The following INPP4B variants were observed in gnomAD, a reference collection of about 807,000 sequenced individuals.
INPP4B encodes the protein inositol polyphosphate-4-phosphatase type II B, also known as inositol polyphosphate 4-phosphatase type II.
INPP4B carries 55 observed loss-of-function variants against 122.5 expected under a neutral mutation model. The observed-to-expected ratio is 0.45, with a 90% CI of 0.36 to 0.56. The LOEUF (loss-of-function observed/expected upper bound fraction) is 0.56. INPP4B is among the 20% of genes least tolerant of loss of function. The pLI is 0.00. For missense variants in INPP4B, 1,000 were observed against 1,097.7 expected (o/e 0.91, Z 1.26); for synonymous variants, 403 against 388.7 (o/e 1.04, Z -0.43).
rs186270894 is a variant in INPP4B, at chr4:142,281,341, T to A, written c.504-10567A>T. On this transcript the variant is annotated intron_variant, in intron 9 of 25. Coordinates refer to ENST00000262992, the MANE Select transcript of INPP4B (RefSeq NM_001101669.3). ...CAGTCTGGATAGATAGCTAAGCATT[T>A]TTTTTTTTTTGCTTCTTCAACAAAA... Among the ~76,000 whole-genome samples the A allele has an allele frequency of 5.5e-3, 840 of 151,392 alleles. 7 individuals are homozygous for A. The highest frequency in any genetic ancestry group is 0.02 in the African/African-American group (810 of 41,362).
At chr4:142,187,537 T>C (rs961054088) in intron 15 of INPP4B, among the ~76,000 whole-genome samples, 2 of 151,832 alleles carry the variant, frequency 1.3e-5, no homozygotes, top group African/African-American at 4.8e-5. Context: ...TATCTATATA[T>C]AAATATATAT....
Position 142,775,269 on chromosome 4 carries a change from A to G in INPP4B, c.-253-49368T>C, listed in dbSNP as rs574700095. Among the ~76,000 whole-genome samples the G allele has an allele frequency of 2.6e-5, 4 of 152,112 alleles. No individual in the cohort carries two copies. In the South Asian group the frequency reaches 6.2e-4, roughly 24 times the overall value. On this transcript the variant is annotated intron_variant, in intron 1 of 25. Transcript: ENST00000262992. ...TCCTCCATGCATTCTTCTTTACTGT[A>G]CTCTTGAACCAATGTCATTATACAG...
At chr4:142,503,427 C>T (rs971644380) in intron 2 of INPP4B, among the ~76,000 whole-genome samples, 5 of 152,030 alleles carry the variant, frequency 3.3e-5, no homozygotes, top group South Asian at 4.1e-4. Context: ...CACTTATAAA[C>T]ATTACAAAAT....
intron 11 of INPP4B, among the ~76,000 whole-genome samples, chr4:142,253,487 G>C (rs1247114378): frequency 6.6e-6 from 1 of 152,186 alleles, no homozygotes; most frequent in Non-Finnish European, 1.5e-5. Context: ...GCGCAGGTCA[G>C]TGGGTGCGCG....
At chr4:142,825,471 G>GTATCATATCA (rs200616320) in intron 1 of INPP4B, among the ~76,000 whole-genome samples, 3,539 of 151,702 alleles carry the variant, frequency 0.023, 136 homozygotes, top group African/African-American at 0.08. Flanking sequence ...ATATATATAT[G>GTATCATATCA]TATCATATCA....
Position 142,250,021 on chromosome 4 carries a change from G to A in INPP4B, c.688+10471C>T, listed in dbSNP as rs573091787. On this transcript the variant is annotated intron_variant, in intron 11 of 25. Coordinates refer to ENST00000262992, the MANE Select transcript of INPP4B (RefSeq NM_001101669.3). ...GCTTTTTAACAACTTAATTTTATGA[G>A]TTATATTGTTAGAAAGTCAAACTAA... 6.6e-5 allele frequency among the ~76,000 whole-genome samples: 10 copies of A among 152,278 alleles called. No individual in the cohort carries two copies. The South Asian group carries it at 2.1e-3, about 32-fold the overall frequency.
At chr4:142,275,254 GA>G (rs1747822188) in intron 9 of INPP4B, among the ~76,000 whole-genome samples, 1 of 151,522 alleles carries the variant, frequency 6.6e-6, no homozygotes, top group Non-Finnish European at 1.5e-5. Context: ...GGGAAAAAAA[GA>G]AAAAAGAAAA....
At chr4:142,191,149 A>G (rs1835644100) in intron 15 of INPP4B, among the ~76,000 whole-genome samples, 1 of 152,218 alleles carries the variant, frequency 6.6e-6, no homozygotes, top group Non-Finnish European at 1.5e-5. Context: ...TCACCTATCA[A>G]AAGACTCTAA....
chr4:142,637,214 T>C (rs953893047), intron 2 of INPP4B, among the ~76,000 whole-genome samples: 2 of 152,166 alleles, frequency 1.3e-5, no homozygotes, highest in Non-Finnish European at 2.9e-5. Context: ...ACCCAGTCCA[T>C]AGTTTACCTT....
intron 2 of INPP4B, among the ~76,000 whole-genome samples, chr4:142,651,911 C>T (rs1753047674): frequency 6.6e-6 from 1 of 152,068 alleles, no homozygotes. Flanking sequence ...CTGGCAGAGA[C>T]ACAACAAAAA....
At chr4:142,841,359 A>T (rs1301950098) in intron 1 of INPP4B, among the ~76,000 whole-genome samples, 2 of 152,006 alleles carry the variant, frequency 1.3e-5, no homozygotes, top group Non-Finnish European at 2.9e-5. Flanking sequence ...GCAAGAGCTC[A>T]TCTCTGATCT....
At chr4:142,315,972 C>T (rs1767471892) in intron 7 of INPP4B, among the ~76,000 whole-genome samples, 1 of 151,982 alleles carries the variant, frequency 6.6e-6, no homozygotes. Context: ...GCCTCTAATA[C>T]CCCTAATAAT....
chr4:142,194,735 C>T (rs1008358430), intron 14 of INPP4B, among the ~76,000 whole-genome samples: 1 of 152,148 alleles, frequency 6.6e-6, no homozygotes, highest in Non-Finnish European at 1.5e-5. Flanking sequence ...CTGATGGGAA[C>T]CTGAGTCGCT....
At chr4:142,478,412 T>C (rs184385402) in intron 2 of INPP4B, among the ~76,000 whole-genome samples, 1 of 152,336 alleles carries the variant, frequency 6.6e-6, no homozygotes, top group East Asian at 1.9e-4. Flanking sequence ...TTGTCATAAA[T>C]GGCTTTTATT....
intron 2 of INPP4B, among the ~76,000 whole-genome samples, chr4:142,580,817 C>T (rs1028224690): frequency 1.3e-5 from 2 of 152,030 alleles, no homozygotes; most frequent in Non-Finnish European, 2.9e-5. Context: ...TAATCCACTT[C>T]CCACACAATT....
chr4:142,337,534 T>G (rs966291621), intron 7 of INPP4B, among the ~76,000 whole-genome samples: 3 of 151,096 alleles, frequency 2.0e-5, no homozygotes, highest in Non-Finnish European at 4.4e-5. Context: ...AATAATTATC[T>G]GATTATTAAT....
rs1176044693 is a variant in INPP4B at position 142,028,760 on chromosome 4, G to A, written c.*22C>T. The A allele has an allele frequency of 6.2e-7, 1 of 1,600,272 alleles. No homozygotes were observed. On this transcript the variant is annotated 3_prime_UTR_variant, in exon 26 of 26. Transcript: ENST00000262992. The stretch of plus-strand genomic sequence containing the variant: ...CCAACTGAAATGTATTTGTGTTCCT[G>A]TTTATTAACATGTTGGTAAACTTAG...
Position 142,193,142 on chromosome 4 carries a change from A to G in INPP4B, c.1126T>C (p.Phe376Leu). The change falls in exon 15 of 26, where the codon TTT becomes CTT. Residue 376 changes from phenylalanine to leucine, a missense_variant. Physicochemically the swap from Phe to Leu is conservative, Grantham distance 22. Coordinates refer to ENST00000262992, the MANE Select transcript of INPP4B (RefSeq NM_001101669.3). ...AGCTTCCGAAGACCACCATTCTTAAATCCCTGAAAATGGGCAGCTGGGGCT... is the reference window on the plus strand; with the variant it reads ...AGCTTCCGAAGACCACCATTCTTAAGTCCCTGAAAATGGGCAGCTGGGGCT... ...VGAPAAHFQG[F>L]KNGGLRKLLH... The G allele has an allele frequency of 6.2e-7, 1 of 1,613,246 alleles. No homozygotes were observed. The highest frequency in any genetic ancestry group is 8.5e-7 in the Non-Finnish European group (1 of 1,179,264).
At chr4:142,266,449 A>C (rs1311244391) in intron 10 of INPP4B, among the ~76,000 whole-genome samples, 2 of 152,192 alleles carry the variant, frequency 1.3e-5, no homozygotes, top group African/African-American at 4.8e-5. Flanking sequence ...AAAAGAAAAA[A>C]AAATTGAAAG....
Sources: gnomAD v4.1 joint callset for allele counts (sites outside exome capture counted in the v4.1 genomes callset) on GRCh38, gnomAD v4.1.1 for gene constraint, MANE v1.5 for transcripts, NCBI Gene and HGNC (gene_info 2026-07-23, HGNC 2026-07-21) for gene names.